The following HEATR4 variants were observed in gnomAD, a reference collection of about 807,000 sequenced individuals.
The protein encoded by HEATR4 is HEAT repeat containing 4, also known as HEAT repeat-containing protein 4.
HEATR4 carries 95 observed loss-of-function variants against 108.8 expected under a neutral mutation model. The observed-to-expected ratio is 0.87, with a 90% CI of 0.74 to 1.04. The LOEUF is 1.04. HEATR4 is among the 50% of genes least tolerant of loss of function. The pLI, the probability that HEATR4 is intolerant of heterozygous loss-of-function variation, is 0.00. For missense variants in HEATR4, 1,152 were observed against 1,253.8 expected (o/e 0.92, Z 1.23); for synonymous variants, 443 against 459.4 (o/e 0.96, Z 0.46).
At position 73,519,168 on chromosome 14, in the gene HEATR4, G is replaced by C. The variant is rs201786498; in HGVS notation, c.1070-5C>G. 6.2e-7 allele frequency: 1 copy of C among 1,609,392 alleles called. No individual in the cohort carries two copies. The highest frequency in any genetic ancestry group is 1.1e-5 in the South Asian group (1 of 90,350). The stretch of plus-strand genomic sequence containing the variant: ...GGTGGATGATCTGGACTTCATCTGT[G>C]AACAGACAAAGAAACAATGAGTCCC... On this transcript the variant is annotated splice_polypyrimidine_tract_variant and splice_region_variant and intron_variant, in intron 4 of 17. Transcript: ENST00000553558.
the HEATR4 span, chr14:73,592,060 T>TGCGCGCGTCCCTGCGCGACGAGAAGG: frequency 6.8e-7 from 1 of 1,478,710 alleles, no homozygotes; most frequent in African/African-American, 1.5e-5. Flanking sequence ...CGGGTTACGC[T>TGCGCGCGTCCCTGCGCGACGAGAAGG]GCGCGCGTCC....
chr14:73,533,049 C>A lies in HEATR4; in HGVS notation c.-151-2805G>T, dbSNP rs1269011929. Among the ~76,000 whole-genome samples, 2 of 114,704 alleles carry A rather than the reference C, an allele frequency of 1.7e-5. 1 individual carries two copies. The highest frequency in any genetic ancestry group is 1.4e-3 in the East Asian group (2 of 1,478). 75.3% of individuals were successfully genotyped at this position (114,704 alleles called of 152,430 possible). On this transcript the variant is annotated intron_variant, in intron 1 of 17. Coordinates refer to ENST00000553558, the MANE Select transcript of HEATR4 (RefSeq NM_001220484.1). ...CTAAGGCAGGAGGATCCTTTGAGCC[C>A]AGGAGTTTGAGGCTGCAGTGAGCTA...
chr14:73,495,507 C>CTGTG, intron 15 of HEATR4, 120 bp from the exon 16 acceptor site: 1 of 779,942 alleles, frequency 1.3e-6, no homozygotes, highest in East Asian at 2.7e-5. Context: ...CACTTGAGCC[C>CTGTG]AACAGTTCAA....
chr14:73,569,345 A>C, the HEATR4 span: 4 of 1,613,836 alleles, frequency 2.5e-6, no homozygotes, highest in Non-Finnish European at 3.4e-6. Flanking sequence ...GGCTGTACCA[A>C]TGGAGCCTGA....
At chr14:73,484,727 A>G (rs1193576699) in intron 17 of HEATR4, among the ~76,000 whole-genome samples, 1 of 151,928 alleles carries the variant, frequency 6.6e-6, no homozygotes, top group East Asian at 1.9e-4. Flanking sequence ...ATTCTTCTAT[A>G]ACAAATAATC....
At chr14:73,525,936 G>C (rs1465717075) in intron 2 of HEATR4, among the ~76,000 whole-genome samples, 1 of 137,200 alleles carries the variant, frequency 7.3e-6, no homozygotes, top group South Asian at 2.4e-4. Flanking sequence ...CTGGGTGACA[G>C]AGTGAGACTC....
chr14:73,605,036 C>T, the HEATR4 span, among the ~76,000 whole-genome samples: 1 of 151,526 alleles, frequency 6.6e-6, no homozygotes, highest in Non-Finnish European at 1.5e-5. Flanking sequence ...TATCTTAGTG[C>T]TTCTCATGTG....
intron 17 of HEATR4, chr14:73,491,795 C>G: frequency 6.3e-7 from 1 of 1,591,848 alleles, no homozygotes; most frequent in South Asian, 1.1e-5. Flanking sequence ...GCAGTTCGGC[C>G]AGCATTTGGA....
At chr14:73,582,004 C>G in the HEATR4 span, 1 of 99,074 alleles carries the variant, frequency 1.0e-5, no homozygotes, top group African/African-American at 4.4e-5. Flanking sequence ...GCCCTCCACT[C>G]CACCCCAACA....
At chr14:73,479,548 C>T (rs2052269580) in intron 17 of HEATR4, among the ~76,000 whole-genome samples, 1 of 151,472 alleles carries the variant, frequency 6.6e-6, no homozygotes, top group Admixed American at 6.6e-5. Flanking sequence ...AAGGGATTCT[C>T]CTGCCTCAGC....
intron 17 of HEATR4, among the ~76,000 whole-genome samples, chr14:73,488,637 G>A (rs1885543455): frequency 6.6e-6 from 1 of 152,140 alleles, no homozygotes. Context: ...CTGAGGAACT[G>A]TGAGCCAATT....
the HEATR4 span, chr14:73,569,099 G>A: frequency 3.8e-3 from 3,814 of 1,000,354 alleles, 32 homozygotes; most frequent in Non-Finnish European, 4.7e-3. Context: ...TAAAGTGGAG[G>A]TTTCAACACA....
At chr14:73,555,217 A>G (rs1423687696) in intron 1 of HEATR4, among the ~76,000 whole-genome samples, 3 of 111,712 alleles carry the variant, frequency 2.7e-5, no homozygotes, top group African/African-American at 8.7e-5. Context: ...ATAATAATCA[A>G]ACTCTCAAAG....
chr14:73,543,704 A>G lies in HEATR4; in HGVS notation c.-151-13460T>C. 2 of 757,332 alleles carry G rather than the reference A, an allele frequency of 2.6e-6. 1 individual carries two copies. Among genetic ancestry groups the G allele is most frequent in the Non-Finnish European group, 3.6e-6 (2 of 551,534 alleles). The allele number at this position is 757,332 out of a possible 1,614,324, so 46.9% of individuals were successfully genotyped here. ...TCTGTTGCTAATCTCTCCTGGAAAC[A>G]TCTGCCACATTTAGTGTGTGTATGT... On this transcript the variant is annotated intron_variant, in intron 1 of 17. Transcript: ENST00000553558.
chr14:73,498,988 TAG>T (rs1159095873), intron 13 of HEATR4, 81 bp downstream of exon 13: 1 of 1,148,572 alleles, frequency 8.7e-7, no homozygotes, highest in South Asian at 1.2e-5. Flanking sequence ...TTCACCCCAT[TAG>T]AGAGTTTCAG....
the HEATR4 span, among the ~76,000 whole-genome samples, chr14:73,602,313 A>G: frequency 6.6e-6 from 1 of 152,180 alleles, no homozygotes; most frequent in Non-Finnish European, 1.5e-5. Context: ...ACTGGAGGCT[A>G]TATGATTTAT....
the HEATR4 span, chr14:73,617,174 T>C: frequency 2.5e-6 from 4 of 1,614,206 alleles, no homozygotes; most frequent in Non-Finnish European, 3.4e-6. Flanking sequence ...CCGTGGACTT[T>C]ATGCTGCAGC....
At chr14:73,572,892 C>T in the HEATR4 span, among the ~76,000 whole-genome samples, 2 of 150,610 alleles carry the variant, frequency 1.3e-5, no homozygotes, top group Non-Finnish European at 3.0e-5. Flanking sequence ...GTGATCCACC[C>T]GTCTCAGCCT....
intron 2 of HEATR4, among the ~76,000 whole-genome samples, chr14:73,525,452 TG>T (rs1338402035): frequency 2.0e-5 from 3 of 152,168 alleles, no homozygotes; most frequent in African/African-American, 7.2e-5. Context: ...TAAATGTAAT[TG>T]CTTCATCTCT....
Sources: allele counts gnomAD v4.1 joint callset (sites outside exome capture counted in the v4.1 genomes callset), GRCh38; gene constraint gnomAD v4.1.1; transcripts MANE v1.5; gene names NCBI Gene and HGNC (gene_info 2026-07-23, HGNC 2026-07-21).